TMTC1: variants seen among roughly 807,000 people sequenced by gnomAD.
The protein encoded by TMTC1 is transmembrane O-mannosyltransferase targeting cadherins 1, also known as protein O-mannosyl-transferase TMTC1.
Under a neutral mutation model 104.8 loss-of-function variants are expected in TMTC1, and 73 were observed. That is an observed-to-expected ratio of 0.70 (90% CI 0.58 to 0.85). The LOEUF (loss-of-function observed/expected upper bound fraction) is 0.85, where lower values mean the gene tolerates loss of function less well. Ranked by LOEUF, TMTC1 falls within the 40% of genes least tolerant of loss-of-function variation. The pLI is 0.00. For missense variants in TMTC1, 1,035 were observed against 1,096.1 expected (o/e 0.94, Z 0.79); for synonymous variants, 434 against 428.7 (o/e 1.01, Z -0.15).
At chr12:29,657,146 A>G (rs1939798377) in intron 5 of TMTC1, among the ~76,000 whole-genome samples, 1 of 152,250 alleles carries the variant, frequency 6.6e-6, no homozygotes, top group South Asian at 2.1e-4. Context: ...CTACAAAGAT[A>G]AGAATGAACG....
At chr12:29,775,875 A>G (rs1207918702) in intron 1 of TMTC1, among the ~76,000 whole-genome samples, 1 of 151,798 alleles carries the variant, frequency 6.6e-6, no homozygotes, top group African/African-American at 2.4e-5. Context: ...CCATGAGTCA[A>G]CTCCTCCTTA....
At chr12:29,684,340 G>A (rs916902744) in intron 5 of TMTC1, among the ~76,000 whole-genome samples, 1 of 152,106 alleles carries the variant, frequency 6.6e-6, no homozygotes, top group Non-Finnish European at 1.5e-5. Flanking sequence ...CTAACAGCTT[G>A]AGCAAAACTA....
chr12:29,641,609 C>A (rs1438678614), intron 5 of TMTC1, among the ~76,000 whole-genome samples: 1 of 152,114 alleles, frequency 6.6e-6, no homozygotes, highest in African/African-American at 2.4e-5. Context: ...AGCCCTAGAC[C>A]TTCCCTCTGA....
At chr12:29,643,803 T>TTA (rs1939078952) in intron 5 of TMTC1, among the ~76,000 whole-genome samples, 2 of 75,270 alleles carry the variant, frequency 2.7e-5, no homozygotes, top group African/African-American at 5.9e-5. Flanking sequence ...ATATACATAT[T>TTA]TATATATTTA....
chr12:29,620,741 A>C (rs983781055), intron 6 of TMTC1, among the ~76,000 whole-genome samples: 4 of 152,242 alleles, frequency 2.6e-5, no homozygotes, highest in African/African-American at 9.6e-5. Flanking sequence ...CTATGGGCCA[A>C]AGTTGACTAA....
chr12:29,679,926 T>A (rs1354581576), intron 5 of TMTC1, among the ~76,000 whole-genome samples: 2 of 152,168 alleles, frequency 1.3e-5, no homozygotes, highest in Non-Finnish European at 2.9e-5. Flanking sequence ...AAAGTAGGTT[T>A]AAATCTCAAT....
intron 6 of TMTC1, among the ~76,000 whole-genome samples, chr12:29,619,156 A>C (rs1028591073): frequency 4.6e-5 from 7 of 152,220 alleles, no homozygotes; most frequent in African/African-American, 1.7e-4. Context: ...ACTCACTAAT[A>C]AACTCAGTGA....
At chr12:29,673,876 C>T (rs1006071904) in intron 5 of TMTC1, among the ~76,000 whole-genome samples, 5 of 150,922 alleles carry the variant, frequency 3.3e-5, no homozygotes, top group Non-Finnish European at 7.4e-5. Flanking sequence ...TCCCCTGCCT[C>T]AGCCTCCCAA....
At chr12:29,749,231 TAC>T (rs10654988) in intron 5 of TMTC1, among the ~76,000 whole-genome samples, 8 of 151,028 alleles carry the variant, frequency 5.3e-5, no homozygotes, top group African/African-American at 1.2e-4. Flanking sequence ...TATCTAAGGA[TAC>T]ACACACACAC....
At chr12:29,686,404 A>G (rs1313553561) in intron 5 of TMTC1, among the ~76,000 whole-genome samples, 1 of 152,240 alleles carries the variant, frequency 6.6e-6, no homozygotes, top group Non-Finnish European at 1.5e-5. Flanking sequence ...GTGTGCTGGT[A>G]AACTGGTTCT....
chr12:29,684,421 A>T (rs1005351133), intron 5 of TMTC1, among the ~76,000 whole-genome samples: 2 of 152,188 alleles, frequency 1.3e-5, no homozygotes, highest in African/African-American at 4.8e-5. Flanking sequence ...GACTATATAC[A>T]TCACATTTGA....
At chr12:29,656,851 G>C (rs1405693504) in intron 5 of TMTC1, among the ~76,000 whole-genome samples, 1 of 152,164 alleles carries the variant, frequency 6.6e-6, no homozygotes, top group African/African-American at 2.4e-5. Flanking sequence ...TTCCACCAAA[G>C]AAGTTTTTTT....
rs535553046 is a variant in TMTC1 at position 29,653,783 on chromosome 12, T to C, written c.939-20447A>G. On this transcript the variant is annotated intron_variant, in intron 5 of 17. Transcript: ENST00000539277. ...ATAATGATGACCTCCAATTCCATCA[T>C]TGGAATAATGATGATCCAACTCTGT... Among the ~76,000 whole-genome samples the C allele has an allele frequency of 5.3e-5, 8 of 152,326 alleles. No individual in the cohort carries two copies. The East Asian group carries it at 5.8e-4, about 11-fold the overall frequency.
intron 10 of TMTC1, among the ~76,000 whole-genome samples, chr12:29,554,603 T>C (rs1260081986): frequency 1.3e-5 from 2 of 152,200 alleles, no homozygotes; most frequent in Non-Finnish European, 2.9e-5. Flanking sequence ...ACACAGTGTC[T>C]CATGCCTATA....
rs1468226303 is a variant in TMTC1, at chr12:29,783,306, C to T, written c.302+144G>A. ...GTGGATCCCGGAGCAAAGTGCCATG[C>T]ACATCCTGGAGAGGAGGGAGGCGTG... On this transcript the variant is annotated intron_variant, in intron 1 of 17. Transcript: ENST00000539277. This position sits in a 1 kb window ranked among gnomAD's most constrained non-coding sequence, Gnocchi z 4.7. 2.0e-5 allele frequency: 15 copies of T among 735,054 alleles called. No homozygotes were observed. In the East Asian group the frequency reaches 3.4e-4, roughly 17 times the overall value. The allele number at this position is 735,054 out of a possible 1,614,324, so 45.5% of individuals were successfully genotyped here. A position where few individuals can be genotyped will look rare whatever the true frequency, so the allele number is the denominator to read the frequency against.
chr12:29,742,055 G>A (rs1942840900), intron 5 of TMTC1, among the ~76,000 whole-genome samples: 1 of 151,606 alleles, frequency 6.6e-6, no homozygotes, highest in South Asian at 2.1e-4. Flanking sequence ...ATAGTCACAA[G>A]GAAAAATTAC....
At chr12:29,631,085 CT>C (rs1938272569) in intron 6 of TMTC1, among the ~76,000 whole-genome samples, 2 of 152,116 alleles carry the variant, frequency 1.3e-5, no homozygotes, top group Non-Finnish European at 2.9e-5. Flanking sequence ...CTACTTGGAT[CT>C]TTTCTCCATT....
intron 6 of TMTC1, among the ~76,000 whole-genome samples, chr12:29,616,941 C>T (rs534126920): frequency 2.2e-4 from 33 of 152,104 alleles, no homozygotes; most frequent in African/African-American, 8.0e-4. Context: ...CTTCAAGGCA[C>T]CCTGGGTCGT....
chr12:29,514,906 G>A (rs770042583), intron 15 of TMTC1, among the ~76,000 whole-genome samples: 14 of 151,796 alleles, frequency 9.2e-5, no homozygotes, highest in Non-Finnish European at 1.8e-4. Flanking sequence ...CCCGGCTACT[G>A]GGGGGGCTGA....
Sources: allele counts gnomAD v4.1 joint callset (sites outside exome capture counted in the v4.1 genomes callset), GRCh38; gene constraint gnomAD v4.1.1; non-coding constraint Gnocchi (gnomAD v3.1); transcripts MANE v1.5; gene names NCBI Gene and HGNC (gene_info 2026-07-23, HGNC 2026-07-21).